Variants in RUBCN observed in about 807,000 individuals in gnomAD.
RUBCN encodes run domain Beclin-1-interacting and cysteine-rich domain-containing protein.
A neutral mutation model predicts 113.2 loss-of-function variants in RUBCN; 74 were observed. The ratio of observed to expected loss-of-function variants is 0.65; its 90% CI spans 0.54 to 0.79. The LOEUF is 0.79. Ranked by LOEUF, RUBCN falls within the 30% of genes least tolerant of loss-of-function variation. RUBCN has a pLI of 0.00. For missense variants in RUBCN, 1,109 were observed against 1,251.7 expected (o/e 0.89, Z 1.72); for synonymous variants, 480 against 490.0 (o/e 0.98, Z 0.27).
rs1466527567 is a variant in RUBCN, at chr3:197,704,706, G to A, written c.304-5C>T. Reference sequence around the variant, plus strand: ...GTTCTCGTGCACGCTGATGAACTGGGAAGCAAAGGGGCATGAGTCAAAACA... The same window carrying A: ...GTTCTCGTGCACGCTGATGAACTGGAAAGCAAAGGGGCATGAGTCAAAACA... On this transcript the variant is annotated splice_polypyrimidine_tract_variant and splice_region_variant and intron_variant, in intron 3 of 19. Coordinates refer to ENST00000296343, the MANE Select transcript of RUBCN (RefSeq NM_014687.4). 1 of 1,613,306 alleles carries A rather than the reference G, an allele frequency of 6.2e-7. No homozygotes were observed. Among genetic ancestry groups the A allele is most frequent in the Non-Finnish European group, 8.5e-7 (1 of 1,179,938 alleles).
rs377349253 is a variant in RUBCN at position 197,693,806 on chromosome 3, G to A, written c.1695C>T (p.Val565=). The part of the protein sequence containing the change: ...YQEAEHGSFR[V]TSSSSQFSSR... The stretch of plus-strand genomic sequence containing the variant: ...AGCTGAACTGGGAGCTGCTGGAGGT[G>A]ACCCGAAAGCCTGTTATGTTTAAAA... The change falls in exon 11 of 20, where the codon GTC becomes GTT. Residue 565 remains valine, a synonymous_variant. Coordinates refer to ENST00000296343, the MANE Select transcript of RUBCN (RefSeq NM_014687.4). 6.2e-7 allele frequency: 1 copy of A among 1,613,254 alleles called. No individual in the cohort carries two copies. Among genetic ancestry groups the A allele is most frequent in the Non-Finnish European group, 8.5e-7 (1 of 1,179,354 alleles).
At chr3:197,682,340 T>C in intron 14 of RUBCN, 130 bp downstream of exon 14, 1 of 1,108,650 alleles carries the variant, frequency 9.0e-7, no homozygotes, top group East Asian at 2.6e-5. Flanking sequence ...ACGCCCCCCC[T>C]CTGCCTTTAA....
chr3:197,749,604 C>G, exon 1 of RUBCN: 1 of 1,140,750 alleles, frequency 8.8e-7, no homozygotes, highest in African/African-American at 1.6e-5. Flanking sequence ...GCAGGAGGGA[C>G]TCGAAGGACA....
At chr3:197,722,182 G>T (rs1469374873) in intron 1 of RUBCN, among the ~76,000 whole-genome samples, 1 of 151,878 alleles carries the variant, frequency 6.6e-6, no homozygotes, top group Non-Finnish European at 1.5e-5. Flanking sequence ...GGCAAAGGTG[G>T]AGCTGGGATT....
intron 1 of RUBCN, among the ~76,000 whole-genome samples, chr3:197,727,199 C>G (rs1382557674): frequency 1.3e-5 from 2 of 152,192 alleles, no homozygotes; most frequent in Non-Finnish European, 2.9e-5. Flanking sequence ...CTCAGCCTCC[C>G]AAAGTGCTGG....
chr3:197,694,687 G>A, intron 9 of RUBCN, 102 bp from the exon 10 acceptor site: 4 of 994,596 alleles, frequency 4.0e-6, no homozygotes, highest in Non-Finnish European at 6.3e-6. Context: ...AACTGTTCCT[G>A]CCAAAAACAC....
chr3:197,699,156 C>T (rs1723350754), intron 7 of RUBCN: 1 of 1,502,978 alleles, frequency 6.7e-7, no homozygotes, highest in Non-Finnish European at 9.1e-7. Flanking sequence ...CAAAACAGAA[C>T]AAAGAGGAGG....
rs533944612 is a variant in RUBCN at position 197,714,863 on chromosome 3, T to C, written c.219+3114A>G. ...CCCAGTGACTCACTTGACAACTTTA[T>C]CCAGAACCAAAATGTATTTAAAACA... On this transcript the variant is annotated intron_variant, in intron 2 of 19. Transcript: ENST00000296343. 2.6e-4 allele frequency among the ~76,000 whole-genome samples: 40 copies of C among 152,186 alleles called. No homozygotes were observed. In the South Asian group the frequency reaches 8.3e-3, roughly 32 times the overall value.
In RUBCN at chr3:197,674,817, C is replaced by T. The variant is rs1409629288; in HGVS notation, c.*201G>A. On this transcript the variant is annotated 3_prime_UTR_variant, in exon 20 of 20. Transcript: ENST00000296343. ...CCTGGTGTTTACAAATTATCTGTCA[C>T]CACAGACTCTGGACCCATCAACCTG... is the stretch of plus-strand genomic sequence containing the variant. 2 of 550,154 alleles carry T rather than the reference C, an allele frequency of 3.6e-6. No individual in the cohort carries two copies. Among genetic ancestry groups the T allele is most frequent in the Admixed American group, 3.6e-5 (1 of 27,788 alleles). 34.1% of individuals were successfully genotyped at this position (550,154 alleles called of 1,614,324 possible). A position where few individuals can be genotyped will look rare whatever the true frequency, so the allele number is the denominator to read the frequency against.
intron 10 of RUBCN, 33 bp downstream of exon 10, chr3:197,694,342 G>A (rs746026305): frequency 6.3e-7 from 1 of 1,597,474 alleles, no homozygotes; most frequent in Non-Finnish European, 8.6e-7. Context: ...TTGGGAAAAT[G>A]TGGGAACAGA....
chr3:197,705,976 C>T (rs917718663), intron 2 of RUBCN, among the ~76,000 whole-genome samples: 3 of 152,154 alleles, frequency 2.0e-5, no homozygotes, highest in Non-Finnish European at 4.4e-5. Context: ...GATCTGCCCG[C>T]CTTGGGTCAC....
intron 7 of RUBCN, among the ~76,000 whole-genome samples, chr3:197,698,359 C>G (rs780465861): frequency 6.6e-6 from 1 of 152,252 alleles, no homozygotes; most frequent in African/African-American, 2.4e-5. Context: ...TCTCAATACT[C>G]TGCCTTGCAG....
rs995882812 is a variant in RUBCN at position 197,736,716 on chromosome 3, G to A, written c.4C>T (p.Arg2Trp). 8 of 1,528,728 alleles carry A rather than the reference G, an allele frequency of 5.2e-6. No homozygotes were observed. Among genetic ancestry groups the A allele is most frequent in the African/African-American group, 2.8e-5 (2 of 71,798 alleles). The allele number at this position is 1,528,728 out of a possible 1,614,324, so 94.7% of individuals were successfully genotyped here. MRPEGAGMELGG... is the reference protein window; with the variant it reads MWPEGAGMELGG... ...AGCTCCATTCCCGCGCCCTCCGGCC[G>A]CATCCGGGGCGGTGAGGCCGCCTCT... is the stretch of plus-strand genomic sequence containing the variant. Residue 2 changes from arginine (R) to tryptophan (W), a missense_variant, in exon 1 of 20, where the codon CGG (arginine) becomes TGG (tryptophan). Arg to Trp is a moderately radical substitution (Grantham distance 101). Coordinates refer to ENST00000296343, the MANE Select transcript of RUBCN (RefSeq NM_014687.4).
chr3:197,708,059 T>C (rs1251210362), intron 2 of RUBCN, among the ~76,000 whole-genome samples: 1 of 152,074 alleles, frequency 6.6e-6, no homozygotes, highest in Non-Finnish European at 1.5e-5. Flanking sequence ...GAGGGATAAA[T>C]TTTATGAATA....
At position 197,675,507 on chromosome 3, in the gene RUBCN, T is replaced by C; in HGVS notation, c.2655A>G (p.Gln885=). 6.2e-7 allele frequency: 1 copy of C among 1,613,806 alleles called. No individual in the cohort carries two copies. Among genetic ancestry groups the C allele is most frequent in the South Asian group, 1.1e-5 (1 of 91,084 alleles). The change falls in exon 19 of 20, where the codon CAA becomes CAG. Residue 885 remains glutamine (Q), a synonymous_variant. Coordinates refer to ENST00000296343, the MANE Select transcript of RUBCN (RefSeq NM_014687.4). This position sits in a 1 kb window ranked among gnomAD's most constrained non-coding sequence, Gnocchi z 4.4. Reference sequence around the variant, plus strand: ...AGAACTCACAGATGAAGCCTTTGGCTTGGCAGAGCTGGGGAGGAAAAACAC... The same window carrying C: ...AGAACTCACAGATGAAGCCTTTGGCCTGGCAGAGCTGGGGAGGAAAAACAC... ...ATHVERCMLC[Q]AKGFICEFCQ...
At position 197,683,846 on chromosome 3, in the gene RUBCN, T is replaced by C. The variant is rs1164751851; in HGVS notation, c.1847+311A>G. 6.6e-6 allele frequency among the ~76,000 whole-genome samples: 1 copy of C among 152,180 alleles called. No homozygotes were observed. The highest frequency in any genetic ancestry group is 1.5e-5 in the Non-Finnish European group (1 of 68,030). ...GGTCTATGATGTGGAATCTGTTCAA[T>C]TTGATTTCATAACCAAAAACCATCA... On this transcript the variant is annotated intron_variant, in intron 12 of 19. Transcript: ENST00000296343. The surrounding 1 kb of genome is among the most constrained non-coding windows in gnomAD (Gnocchi z 4.6).
chr3:197,704,915 G>GTT (rs1017421205), intron 3 of RUBCN, among the ~76,000 whole-genome samples, 177 bp downstream of exon 3: 1 of 146,202 alleles, frequency 6.8e-6, no homozygotes, highest in East Asian at 2.0e-4. Flanking sequence ...GGGTTTGCAT[G>GTT]TTTTTTTTTT....
chr3:197,735,986 A>G (rs896091032), intron 1 of RUBCN, among the ~76,000 whole-genome samples: 1 of 152,220 alleles, frequency 6.6e-6, no homozygotes, highest in Non-Finnish European at 1.5e-5. Flanking sequence ...CTTAGTTTGC[A>G]TTGTGAGGAA....
At chr3:197,730,361 C>T (rs1427694597) in intron 1 of RUBCN, among the ~76,000 whole-genome samples, 1 of 152,124 alleles carries the variant, frequency 6.6e-6, no homozygotes, top group Non-Finnish European at 1.5e-5. Flanking sequence ...AAAGAGTCAG[C>T]CCCGGGATTT....
Sources: allele counts gnomAD v4.1 joint callset (sites outside exome capture counted in the v4.1 genomes callset), GRCh38; gene constraint gnomAD v4.1.1; non-coding constraint Gnocchi (gnomAD v3.1); transcripts MANE v1.5; gene names NCBI Gene and HGNC (gene_info 2026-07-23, HGNC 2026-07-21).